The following SPHKAP variants were observed in gnomAD, a reference collection of about 807,000 sequenced individuals.
SPHKAP encodes the protein SPHK1 interactor, AKAP domain containing, also known as A-kinase anchor protein SPHKAP.
A neutral mutation model predicts 137.5 loss-of-function variants in SPHKAP; 67 were observed. The ratio of observed to expected loss-of-function variants is 0.49; its 90% CI spans 0.40 to 0.60. SPHKAP has a LOEUF of 0.60. SPHKAP is among the 20% of genes least tolerant of loss of function. SPHKAP has a pLI of 0.00. For missense variants in SPHKAP, 2,097 were observed against 2,069.3 expected (o/e 1.01, Z -0.26); for synonymous variants, 813 against 785.3 (o/e 1.04, Z -0.59).
chr2:228,049,496 G>A (rs1696178152), intron 3 of SPHKAP, among the ~76,000 whole-genome samples: 1 of 152,132 alleles, frequency 6.6e-6, no homozygotes, highest in African/African-American at 2.4e-5. Flanking sequence ...AATTATTTAT[G>A]TATTATTTAC....
chr2:228,037,383 C>T (rs1695662085), intron 3 of SPHKAP, among the ~76,000 whole-genome samples: 1 of 152,132 alleles, frequency 6.6e-6, no homozygotes, highest in Non-Finnish European at 1.5e-5. Flanking sequence ...GATATGTAAA[C>T]CTTGTTTCCT....
intron 3 of SPHKAP, among the ~76,000 whole-genome samples, chr2:228,088,001 C>T (rs188308521): frequency 6.6e-6 from 1 of 152,114 alleles, no homozygotes; most frequent in Non-Finnish European, 1.5e-5. Context: ...CTATAACATA[C>T]ACATTTCTAT....
At chr2:228,001,607 AT>A (rs1411151156) in intron 7 of SPHKAP, among the ~76,000 whole-genome samples, 5 of 150,154 alleles carry the variant, frequency 3.3e-5, no homozygotes, top group Admixed American at 6.7e-5. Context: ...TCTAGGGTAC[AT>A]GTGCACAATG....
At chr2:228,124,850 T>C (rs1333710505) in intron 2 of SPHKAP, among the ~76,000 whole-genome samples, 2 of 152,206 alleles carry the variant, frequency 1.3e-5, no homozygotes, top group Non-Finnish European at 2.9e-5. Flanking sequence ...CAAAAAGATA[T>C]GAGCTTAGAT....
intron 1 of SPHKAP, among the ~76,000 whole-genome samples, chr2:228,138,813 C>T (rs942896581): frequency 6.6e-6 from 1 of 152,122 alleles, no homozygotes; most frequent in African/African-American, 2.4e-5. Flanking sequence ...TATAGTTCTG[C>T]TTTAACCATC....
chr2:227,998,826 C>T (rs953122933), intron 7 of SPHKAP, among the ~76,000 whole-genome samples: 7 of 152,204 alleles, frequency 4.6e-5, no homozygotes, highest in Non-Finnish European at 8.8e-5. Flanking sequence ...TCCTGCCTTT[C>T]CCACTTCCTT....
chr2:228,149,165 A>G (rs1025266990), intron 1 of SPHKAP, among the ~76,000 whole-genome samples: 1 of 152,170 alleles, frequency 6.6e-6, no homozygotes, highest in Non-Finnish European at 1.5e-5. Flanking sequence ...TTAAGACCAC[A>G]TAATTTATGA....
chr2:228,066,836 T>C (rs1696841025), intron 3 of SPHKAP, among the ~76,000 whole-genome samples: 1 of 152,214 alleles, frequency 6.6e-6, no homozygotes, highest in South Asian at 2.1e-4. Flanking sequence ...CAAATTTGCC[T>C]CTGGTTTTTA....
chr2:228,030,726 A>AT (rs397974672), intron 3 of SPHKAP, among the ~76,000 whole-genome samples: 56,584 of 146,750 alleles, frequency 0.39, 11,122 homozygotes, highest in South Asian at 0.52. Context: ...CCTCCATAAT[A>AT]TTTTTTTTTT....
chr2:228,090,294 C>A (rs946598731), intron 3 of SPHKAP, among the ~76,000 whole-genome samples: 16 of 152,174 alleles, frequency 1.1e-4, no homozygotes, highest in Non-Finnish European at 1.9e-4. Context: ...AGGCCTATTA[C>A]CCCCTTCTTT....
At chr2:228,001,561 A>G (rs1258430480) in intron 7 of SPHKAP, among the ~76,000 whole-genome samples, 2 of 146,572 alleles carry the variant, frequency 1.4e-5, no homozygotes, top group South Asian at 4.2e-4. Context: ...ATATAAAAAT[A>G]TATATACACA....
chr2:228,123,979 A>G (rs1698994508), intron 2 of SPHKAP, among the ~76,000 whole-genome samples: 1 of 152,164 alleles, frequency 6.6e-6, no homozygotes, highest in African/African-American at 2.4e-5. Flanking sequence ...AGACACATGA[A>G]AAAATGCTCA....
Position 228,027,491 on chromosome 2 carries a change from A to G in SPHKAP, c.299T>C (p.Leu100Pro), listed in dbSNP as rs761200980. ...TTGAGTTTCAAATGTTACCTGTTGC[A>G]GGTGCTCTGTGCTGCATTCATCCTT... The part of the protein sequence containing the change: ...VNKDECSTEH[L>P]QQKLVNVSPD... The change falls in exon 4 of 12, where the codon CTG becomes CCG. Residue 100 changes from leucine to proline, a missense_variant. By Grantham distance (98) the Leu-to-Pro change is moderately conservative. Coordinates refer to ENST00000392056, the MANE Select transcript of SPHKAP (RefSeq NM_001142644.2). 3.1e-6 allele frequency: 5 copies of G among 1,613,954 alleles called. No homozygotes were observed. The highest frequency in any genetic ancestry group is 4.2e-6 in the Non-Finnish European group (5 of 1,179,834).
intron 2 of SPHKAP, among the ~76,000 whole-genome samples, chr2:228,130,252 C>G (rs1699208261): frequency 6.6e-6 from 1 of 152,144 alleles, no homozygotes. Flanking sequence ...CCCTAACTCT[C>G]TAGGAATGGT....
chr2:228,038,254 G>T (rs1695707853), intron 3 of SPHKAP, among the ~76,000 whole-genome samples: 1 of 152,214 alleles, frequency 6.6e-6, no homozygotes, highest in Non-Finnish European at 1.5e-5. Flanking sequence ...GATCAATCAT[G>T]AATGGTATCC....
chr2:228,047,670 C>G (rs1696114850), intron 3 of SPHKAP, among the ~76,000 whole-genome samples: 1 of 152,144 alleles, frequency 6.6e-6, no homozygotes, highest in Non-Finnish European at 1.5e-5. Flanking sequence ...CCCCTCTGTG[C>G]TCGCAGAGCT....
At position 228,027,558 on chromosome 2, in the gene SPHKAP, CA is replaced by C. The variant is rs779341578; in HGVS notation, c.247-16del. Reference sequence around the variant, plus strand: ...ACAAAGCAGACCTGGGAAAAGAGGGCAAAAATAGTACGTTAAAGTCAAAAAC... The same window carrying C: ...ACAAAGCAGACCTGGGAAAAGAGGGCAAAATAGTACGTTAAAGTCAAAAAC... On this transcript the variant is annotated splice_polypyrimidine_tract_variant and intron_variant, in intron 3 of 11. Transcript: ENST00000392056. 6.2e-7 allele frequency: 1 copy of C among 1,612,638 alleles called. No individual in the cohort carries two copies. Among genetic ancestry groups the C allele is most frequent in the Non-Finnish European group, 8.5e-7 (1 of 1,179,474 alleles).
At chr2:228,063,194 G>GTCTA (rs952927183) in intron 3 of SPHKAP, among the ~76,000 whole-genome samples, 70 of 146,382 alleles carry the variant, frequency 4.8e-4, no homozygotes, top group South Asian at 1.3e-3. Flanking sequence ...CTGTCTGTCT[G>GTCTA]TCTATCTATC....
At chr2:228,034,569 T>C (rs576118357) in intron 3 of SPHKAP, among the ~76,000 whole-genome samples, 126 of 152,122 alleles carry the variant, frequency 8.3e-4, no homozygotes, top group African/African-American at 2.6e-3. Context: ...CTGACAGAGA[T>C]ACAACCAAAA....
Sources: gnomAD v4.1 joint callset for allele counts (sites outside exome capture counted in the v4.1 genomes callset) on GRCh38, gnomAD v4.1.1 for gene constraint, MANE v1.5 for transcripts, NCBI Gene and HGNC (gene_info 2026-07-23, HGNC 2026-07-21) for gene names.